The following EPHA6 variants were observed in gnomAD, a reference collection of about 807,000 sequenced individuals.
EPHA6 encodes the protein EPH receptor A6.
Under a neutral mutation model 112.0 loss-of-function variants are expected in EPHA6, and 50 were observed. That is an observed-to-expected ratio of 0.45 (90% CI 0.36 to 0.56). The LOEUF (loss-of-function observed/expected upper bound fraction) is 0.56. Among genes scored for constraint, EPHA6 ranks in the 20% least tolerant of loss-of-function variants. The probability of loss-of-function intolerance (pLI) is 0.00; values close to 1 mark genes in which losing one functional copy is unlikely to be tolerated. For missense variants in EPHA6, 1,280 were observed against 1,417.4 expected, an observed-to-expected ratio of 0.90 and a Z score of 1.56; for synonymous variants, 529 against 490.7, an observed-to-expected ratio of 1.08 and a Z score of -1.03.
chr3:97,204,991 A>T (rs994455836), intron 3 of EPHA6, among the ~76,000 whole-genome samples: 1 of 152,096 alleles, frequency 6.6e-6, no homozygotes, highest in African/African-American at 2.4e-5. Flanking sequence ...ACATAGAAAA[A>T]TTGGGCAATT....
In EPHA6 at chr3:96,846,468, G is replaced by A. The variant is rs1234663785; in HGVS notation, c.386-20357G>A. Reference sequence around the variant, plus strand: ...TAACACTAAAGAAGGTAATCTTTATGTTACATTTTGAAAATCCATGTGCTT... The same window carrying A: ...TAACACTAAAGAAGGTAATCTTTATATTACATTTTGAAAATCCATGTGCTT... On this transcript the variant is annotated intron_variant, in intron 1 of 17. Transcript: ENST00000389672. Among the ~76,000 whole-genome samples the A allele has an allele frequency of 2.0e-5, 3 of 152,058 alleles. No homozygotes were observed. In the East Asian group the frequency reaches 5.8e-4, roughly 30 times the overall value.
chr3:97,345,608 A>G (rs1264721847), intron 5 of EPHA6, among the ~76,000 whole-genome samples: 1 of 151,416 alleles, frequency 6.6e-6, no homozygotes, highest in Non-Finnish European at 1.5e-5. Context: ...TATTGACTAG[A>G]TGACATTTCA....
intron 10 of EPHA6, among the ~76,000 whole-genome samples, chr3:97,506,307 T>C (rs1487660885): frequency 1.3e-5 from 2 of 152,256 alleles, no homozygotes; most frequent in East Asian, 3.8e-4. Context: ...AGAGTTTTTA[T>C]GGTTTTAGGT....
intron 3 of EPHA6, among the ~76,000 whole-genome samples, chr3:97,178,601 A>T (rs2076900568): frequency 6.6e-6 from 1 of 152,098 alleles, no homozygotes; most frequent in Non-Finnish European, 1.5e-5. Flanking sequence ...TGTTTGAAGG[A>T]TATTTTCACC....
At chr3:97,247,135 T>C (rs2079008718) in intron 5 of EPHA6, among the ~76,000 whole-genome samples, 1 of 152,004 alleles carries the variant, frequency 6.6e-6, no homozygotes, top group African/African-American at 2.4e-5. Context: ...CTCTTTTAAC[T>C]GATTTAGGAG....
intron 3 of EPHA6, among the ~76,000 whole-genome samples, chr3:96,990,481 A>G (rs908337183): frequency 6.6e-6 from 1 of 152,156 alleles, no homozygotes; most frequent in African/African-American, 2.4e-5. Flanking sequence ...TGAATTCTAT[A>G]TCTATGGCTT....
intron 10 of EPHA6, among the ~76,000 whole-genome samples, chr3:97,511,810 A>G (rs1380010426): frequency 6.6e-6 from 1 of 152,204 alleles, no homozygotes; most frequent in Admixed American, 6.6e-5. Context: ...GTGTTCAATG[A>G]TATATCCAAC....
intron 3 of EPHA6, among the ~76,000 whole-genome samples, chr3:97,114,443 G>A (rs1159008064): frequency 1.3e-5 from 2 of 151,996 alleles, no homozygotes; most frequent in Non-Finnish European, 2.9e-5. Flanking sequence ...TCTTCCCATG[G>A]TTATGCCACA....
chr3:96,985,235 AG>A (rs1315676302), intron 2 of EPHA6, among the ~76,000 whole-genome samples: 3 of 152,182 alleles, frequency 2.0e-5, no homozygotes, highest in African/African-American at 7.2e-5. Context: ...GGGAGAGTAA[AG>A]GATGTAGTAT....
At chr3:97,045,908 C>G (rs536701142) in intron 3 of EPHA6, among the ~76,000 whole-genome samples, 1 of 151,824 alleles carries the variant, frequency 6.6e-6, no homozygotes, top group Non-Finnish European at 1.5e-5. Flanking sequence ...GCAAAGTAAC[C>G]AGCTGAGAGT....
chr3:97,066,000 T>C lies in EPHA6; in HGVS notation c.1114+78007T>C, dbSNP rs376768466. ...AAAACTCTTTTTAATACAAGTTTAC[T>C]AGCACTCCTTTTAATATTAATAATA... On this transcript the variant is annotated intron_variant, in intron 3 of 17. Transcript: ENST00000389672. Among the ~76,000 whole-genome samples the C allele has an allele frequency of 1.1e-4, 17 of 152,130 alleles. No individual in the cohort carries two copies. In the East Asian group the frequency reaches 1.2e-3, roughly 10 times the overall value.
At chr3:97,503,526 G>A (rs982007061) in intron 10 of EPHA6, among the ~76,000 whole-genome samples, 1 of 152,164 alleles carries the variant, frequency 6.6e-6, no homozygotes, top group African/African-American at 2.4e-5. Context: ...AAAGCTTGAA[G>A]TCACTTTGGA....
chr3:97,277,460 T>A (rs2080130154), intron 5 of EPHA6, among the ~76,000 whole-genome samples: 1 of 152,080 alleles, frequency 6.6e-6, no homozygotes, highest in South Asian at 2.1e-4. Flanking sequence ...TGTGGTGGAA[T>A]GTCATTAGTT....
At chr3:97,455,729 T>A (rs2090660526) in intron 7 of EPHA6, among the ~76,000 whole-genome samples, 1 of 151,922 alleles carries the variant, frequency 6.6e-6, no homozygotes, top group Non-Finnish European at 1.5e-5. Context: ...GTAGACCAAG[T>A]ATAACACTCC....
intron 3 of EPHA6, among the ~76,000 whole-genome samples, chr3:97,157,742 G>A (rs1334242279): frequency 6.6e-6 from 1 of 152,130 alleles, no homozygotes; most frequent in African/African-American, 2.4e-5. Context: ...AGCTCAATCA[G>A]TAAGGCAGGA....
chr3:96,941,936 C>T (rs1337455224), intron 2 of EPHA6, among the ~76,000 whole-genome samples: 1 of 152,102 alleles, frequency 6.6e-6, no homozygotes, highest in Non-Finnish European at 1.5e-5. Context: ...AGCGGATTTT[C>T]ATGAACGCAA....
intron 14 of EPHA6, among the ~76,000 whole-genome samples, chr3:97,649,829 A>C (rs776601018): frequency 6.6e-6 from 1 of 151,916 alleles, no homozygotes; most frequent in East Asian, 1.9e-4. Context: ...CTAGTAGTCA[A>C]TCAAAACCAG....
At chr3:96,882,098 G>A (rs896593578) in intron 2 of EPHA6, among the ~76,000 whole-genome samples, 11 of 152,148 alleles carry the variant, frequency 7.2e-5, no homozygotes, top group African/African-American at 2.7e-4. Flanking sequence ...CTGGAATCTG[G>A]AGGATGGTGG....
At chr3:96,955,531 T>A (rs969597638) in intron 2 of EPHA6, among the ~76,000 whole-genome samples, 2 of 152,220 alleles carry the variant, frequency 1.3e-5, no homozygotes, top group Admixed American at 6.5e-5. Flanking sequence ...TTCTGTTTAA[T>A]ATTTGTACTC....
Sources: gnomAD v4.1 joint callset for allele counts (sites outside exome capture counted in the v4.1 genomes callset) on GRCh38, gnomAD v4.1.1 for gene constraint, MANE v1.5 for transcripts, NCBI Gene and HGNC (gene_info 2026-07-23, HGNC 2026-07-21) for gene names.